PIP5K1B: variants seen among roughly 807,000 people sequenced by gnomAD.
PIP5K1B encodes the protein phosphatidylinositol 4-phosphate 5-kinase type-1 beta.
A neutral mutation model predicts 67.0 loss-of-function variants in PIP5K1B; 42 were observed. The observed-to-expected ratio is 0.63, with a 90% CI of 0.49 to 0.81. The LOEUF (loss-of-function observed/expected upper bound fraction) is 0.81. Ranked by LOEUF, PIP5K1B falls within the 30% of genes least tolerant of loss-of-function variation. The probability of loss-of-function intolerance (pLI) is 0.00; values close to 1 mark genes in which losing one functional copy is unlikely to be tolerated. For missense variants in PIP5K1B, 459 were observed against 646.3 expected, an observed-to-expected ratio of 0.71 and a Z score of 3.14; for synonymous variants, 214 against 231.4, an observed-to-expected ratio of 0.92 and a Z score of 0.68.
At chr9:68,851,059 A>C (rs1180065929) in intron 4 of PIP5K1B, among the ~76,000 whole-genome samples, 2 of 152,210 alleles carry the variant, frequency 1.3e-5, no homozygotes, top group African/African-American at 2.4e-5. Context: ...TATTATGAAT[A>C]CTTTAAGAGT....
chr9:68,756,022 G>A (rs767896374), intron 2 of PIP5K1B, among the ~76,000 whole-genome samples: 6 of 152,210 alleles, frequency 3.9e-5, no homozygotes, highest in Non-Finnish European at 8.8e-5. Context: ...GTCTGGCACT[G>A]ATTACAGACT....
At chr9:68,942,545 C>T (rs186987780) in intron 14 of PIP5K1B, among the ~76,000 whole-genome samples, 40 of 152,092 alleles carry the variant, frequency 2.6e-4, no homozygotes, top group Admixed American at 1.7e-3. Flanking sequence ...AAGGTTTTCC[C>T]GGGGCCTGGC....
At chr9:68,813,354 C>T (rs1051578046) in intron 2 of PIP5K1B, among the ~76,000 whole-genome samples, 1 of 152,090 alleles carries the variant, frequency 6.6e-6, no homozygotes, top group Admixed American at 6.5e-5. Flanking sequence ...GTGGAAGAGA[C>T]GTGTTGACTA....
At chr9:68,808,058 C>T (rs1438149030) in intron 2 of PIP5K1B, among the ~76,000 whole-genome samples, 4 of 152,064 alleles carry the variant, frequency 2.6e-5, no homozygotes, top group South Asian at 2.1e-4. Context: ...ATTAGCCTGG[C>T]GTGGTGGTGT....
intron 4 of PIP5K1B, among the ~76,000 whole-genome samples, chr9:68,842,227 G>A (rs553392910): frequency 1.1e-4 from 16 of 152,308 alleles, no homozygotes; most frequent in South Asian, 2.1e-4. Context: ...GAGTGCCTAC[G>A]TGCACATGTG....
chr9:68,818,319 T>C (rs753346503), intron 2 of PIP5K1B, 142 bp from the exon 3 acceptor site: 1 of 152,288 alleles, frequency 6.6e-6, no homozygotes, highest in Non-Finnish European at 1.5e-5. Flanking sequence ...TCTCCATGTT[T>C]ATTTTCCCTC....
At chr9:68,958,800 G>A (rs1828549370) in intron 14 of PIP5K1B, among the ~76,000 whole-genome samples, 2 of 152,148 alleles carry the variant, frequency 1.3e-5, no homozygotes, top group Admixed American at 1.3e-4. Context: ...TTTGGTTCAA[G>A]CAGTATTAAC....
intron 14 of PIP5K1B, among the ~76,000 whole-genome samples, chr9:68,957,773 A>G (rs544883467): frequency 6.6e-6 from 1 of 152,302 alleles, no homozygotes; most frequent in South Asian, 2.1e-4. Flanking sequence ...ACAGCCTACT[A>G]CAGAGGCAGG....
chr9:68,712,335 G>A (rs1827433273), intron 1 of PIP5K1B, among the ~76,000 whole-genome samples: 2 of 152,178 alleles, frequency 1.3e-5, no homozygotes, highest in South Asian at 4.1e-4. Flanking sequence ...GCAGAACTGT[G>A]AGCCAAAATA....
chr9:68,839,355 T>G (rs756976994), intron 4 of PIP5K1B, among the ~76,000 whole-genome samples: 14 of 152,328 alleles, frequency 9.2e-5, no homozygotes, highest in Middle Eastern at 6.8e-3. Context: ...CAGCAGTCAT[T>G]TTATGAAGGC....
chr9:68,959,962 G>A (rs918516468), intron 14 of PIP5K1B, among the ~76,000 whole-genome samples: 1 of 152,106 alleles, frequency 6.6e-6, no homozygotes, highest in Non-Finnish European at 1.5e-5. Context: ...CCTTTGTTCT[G>A]GGAATTCACT....
chr9:68,708,562 T>C (rs948615274), intron 1 of PIP5K1B, among the ~76,000 whole-genome samples: 19 of 143,060 alleles, frequency 1.3e-4, no homozygotes, highest in African/African-American at 4.4e-4. Flanking sequence ...CCTTTAGTTG[T>C]TAGTATTACA....
intron 2 of PIP5K1B, among the ~76,000 whole-genome samples, chr9:68,769,287 G>A (rs952258905): frequency 6.6e-6 from 1 of 152,088 alleles, no homozygotes; most frequent in Non-Finnish European, 1.5e-5. Context: ...GATTAATTGA[G>A]CCTTTCAATT....
intron 5 of PIP5K1B, among the ~76,000 whole-genome samples, chr9:68,871,070 A>G (rs556303573): frequency 6.6e-6 from 1 of 152,328 alleles, no homozygotes; most frequent in Admixed American, 6.5e-5. Context: ...CTTGGTCATC[A>G]GGCTCTAAAA....
chr9:68,931,308 C>G (rs1187330608), intron 12 of PIP5K1B, among the ~76,000 whole-genome samples: 1 of 152,204 alleles, frequency 6.6e-6, no homozygotes, highest in Non-Finnish European at 1.5e-5. Flanking sequence ...ATTAACTGTT[C>G]TAAAACTTCA....
At chr9:68,882,006 T>C (rs1391200276) in intron 6 of PIP5K1B, among the ~76,000 whole-genome samples, 2 of 152,226 alleles carry the variant, frequency 1.3e-5, no homozygotes, top group East Asian at 3.8e-4. Flanking sequence ...AAGTTTACAT[T>C]GTTAATTTAC....
At chr9:68,873,244 C>T (rs561480467) in intron 5 of PIP5K1B, among the ~76,000 whole-genome samples, 1 of 147,448 alleles carries the variant, frequency 6.8e-6, no homozygotes, top group African/African-American at 2.5e-5. Context: ...AGTGCCTGAT[C>T]ATATCGTCAG....
chr9:68,966,138 A>C (rs1361591738), intron 14 of PIP5K1B, among the ~76,000 whole-genome samples: 1 of 152,168 alleles, frequency 6.6e-6, no homozygotes, highest in Non-Finnish European at 1.5e-5. Context: ...TAAATATCCA[A>C]GAGGCCATAC....
At chr9:68,714,745 C>G (rs1827552113) in intron 1 of PIP5K1B, among the ~76,000 whole-genome samples, 1 of 152,166 alleles carries the variant, frequency 6.6e-6, no homozygotes, top group Non-Finnish European at 1.5e-5. Flanking sequence ...GGAGTCCAGT[C>G]AGAGGCAGGT....
Sources: gnomAD v4.1 joint callset for allele counts (sites outside exome capture counted in the v4.1 genomes callset) on GRCh38, gnomAD v4.1.1 for gene constraint, MANE v1.5 for transcripts, NCBI Gene and HGNC (gene_info 2026-07-23, HGNC 2026-07-21) for gene names.